The following RBFOX1 variants were observed in gnomAD, a reference collection of about 807,000 sequenced individuals.
The protein encoded by RBFOX1 is RNA binding protein fox-1 homolog 1.
A neutral mutation model predicts 57.7 loss-of-function variants in RBFOX1; 8 were observed. That is an observed-to-expected ratio of 0.14 (90% CI 0.08 to 0.25). The LOEUF (loss-of-function observed/expected upper bound fraction) is 0.25, where lower values mean the gene tolerates loss of function less well. RBFOX1 is among the 10% of genes least tolerant of loss of function. RBFOX1 has a pLI of 1.00. For synonymous variants in RBFOX1, 326 were observed against 222.4 expected (o/e 1.47, Z -4.15); for missense variants, 611 against 548.5 (o/e 1.11, Z -1.14).
intron 4 of RBFOX1, among the ~76,000 whole-genome samples, chr16:5,878,191 C>T (rs146431650): frequency 5.3e-5 from 8 of 152,220 alleles, no homozygotes; most frequent in South Asian, 2.1e-4. Flanking sequence ...GGATGAAGGG[C>T]ACTGAAGGTG....
At chr16:7,227,607 G>T (rs747302417) in intron 4 of RBFOX1, among the ~76,000 whole-genome samples, 2 of 152,148 alleles carry the variant, frequency 1.3e-5, no homozygotes, top group Admixed American at 6.5e-5. Context: ...CCAGCTGCAC[G>T]CGCAAGCATT....
chr16:6,931,528 C>G lies in RBFOX1; in HGVS notation c.-15-120529C>G, dbSNP rs967392206. On this transcript the variant is annotated intron_variant, in intron 3 of 15. Coordinates refer to ENST00000550418, the MANE Select transcript of RBFOX1 (RefSeq NM_018723.4). ...ACACTCATTTTAAGGCTGGGGACAT[C>G]TTGCCAATTTGTTCACCCAAGGGCT... Among the ~76,000 whole-genome samples the G allele has an allele frequency of 4.6e-5, 7 of 152,144 alleles. No homozygotes were observed. The South Asian group carries it at 8.3e-4, about 18-fold the overall frequency.
intron 3 of RBFOX1, among the ~76,000 whole-genome samples, chr16:6,727,466 A>C (rs1202978615): frequency 6.6e-6 from 1 of 151,724 alleles, no homozygotes; most frequent in Non-Finnish European, 1.5e-5. Flanking sequence ...CACCTACACC[A>C]GATGAAGCAC....
chr16:5,368,650 C>G (rs1402067188), intron 1 of RBFOX1, among the ~76,000 whole-genome samples: 1 of 152,124 alleles, frequency 6.6e-6, no homozygotes, highest in Non-Finnish European at 1.5e-5. Context: ...CTTTAAGAAT[C>G]AAAAGCTCAA....
chr16:5,283,961 C>G (rs906218959), intron 1 of RBFOX1, among the ~76,000 whole-genome samples: 2 of 152,036 alleles, frequency 1.3e-5, no homozygotes, highest in African/African-American at 4.8e-5. Flanking sequence ...TGTCCCCACC[C>G]AAATCTCATC....
Position 7,066,039 on chromosome 16 carries a change from A to T in RBFOX1, c.27+13941A>T, listed in dbSNP as rs1271367063. Among the ~76,000 whole-genome samples, 6 of 152,302 alleles carry T rather than the reference A, an allele frequency of 3.9e-5. No homozygotes were observed. In the East Asian group the frequency reaches 9.7e-4, roughly 25 times the overall value. On this transcript the variant is annotated intron_variant, in intron 4 of 15. Coordinates refer to ENST00000550418, the MANE Select transcript of RBFOX1 (RefSeq NM_018723.4). ...CAATTGAAATGGTTTAATTCACTCC[A>T]AGGGGGAAAAAAGTTTTGCAAACAT...
At chr16:6,670,364 C>A (rs1293699680) in intron 3 of RBFOX1, among the ~76,000 whole-genome samples, 3 of 152,080 alleles carry the variant, frequency 2.0e-5, no homozygotes, top group Non-Finnish European at 4.4e-5. Flanking sequence ...GCCACTGCTC[C>A]CAGACAAACA....
At chr16:6,679,905 T>TTC (rs1243331086) in intron 3 of RBFOX1, among the ~76,000 whole-genome samples, 2 of 123,052 alleles carry the variant, frequency 1.6e-5, no homozygotes, top group African/African-American at 6.1e-5. Context: ...TTTTTTTTTT[T>TTC]CATACTTTTC....
At chr16:7,100,320 T>C (rs537296323) in intron 4 of RBFOX1, among the ~76,000 whole-genome samples, 1 of 152,280 alleles carries the variant, frequency 6.6e-6, no homozygotes, top group South Asian at 2.1e-4. Flanking sequence ...ATAAAAGTCA[T>C]ATTTGGACAT....
chr16:5,579,988 C>G (rs1055300004), intron 2 of RBFOX1, among the ~76,000 whole-genome samples: 4 of 152,110 alleles, frequency 2.6e-5, no homozygotes, highest in African/African-American at 9.7e-5. Flanking sequence ...CTGGACTGGT[C>G]TTGAACCCCT....
intron 11 of RBFOX1, among the ~76,000 whole-genome samples, chr16:7,638,527 C>T (rs7198717): frequency 0.55 from 83,000 of 151,976 alleles, 23,027 homozygotes; most frequent in Middle Eastern, 0.64. Flanking sequence ...TGGGCCAAGG[C>T]TGTGCTGTCT....
intron 1 of RBFOX1, among the ~76,000 whole-genome samples, chr16:6,142,409 G>C (rs957026825): frequency 2.0e-5 from 3 of 151,734 alleles, no homozygotes; most frequent in Non-Finnish European, 4.4e-5. Flanking sequence ...TTTTAGTAGA[G>C]ATGGGGTTTC....
chr16:6,290,218 G>A (rs918298753), intron 1 of RBFOX1, among the ~76,000 whole-genome samples: 1 of 118,626 alleles, frequency 8.4e-6, no homozygotes, highest in African/African-American at 2.7e-5. Flanking sequence ...AGATTGTTGT[G>A]AGCATAGCAG....
At chr16:7,013,065 A>C (rs183092982) in intron 3 of RBFOX1, among the ~76,000 whole-genome samples, 1 of 152,128 alleles carries the variant, frequency 6.6e-6, no homozygotes, top group Non-Finnish European at 1.5e-5. Context: ...TAATCCCCTT[A>C]TGAGGATCTT....
chr16:6,654,508 T>G (rs1338496780), intron 2 of RBFOX1, 95 bp from the exon 3 acceptor site: 4 of 970,350 alleles, frequency 4.1e-6, no homozygotes, highest in Non-Finnish European at 5.9e-6. Flanking sequence ...TTTATTATTT[T>G]AAAGGGCATT....
intron 4 of RBFOX1, among the ~76,000 whole-genome samples, chr16:7,466,437 A>G (rs533207410): frequency 1.3e-5 from 2 of 152,206 alleles, no homozygotes; most frequent in Non-Finnish European, 2.9e-5. Flanking sequence ...TTTTAAGGAT[A>G]AGAAAAGAGG....
At chr16:6,571,251 C>A (rs1276835912) in intron 2 of RBFOX1, among the ~76,000 whole-genome samples, 1 of 152,208 alleles carries the variant, frequency 6.6e-6, no homozygotes, top group Non-Finnish European at 1.5e-5. Context: ...ATGTGAGCTG[C>A]TGCTCCCAGG....
intron 1 of RBFOX1, among the ~76,000 whole-genome samples, chr16:5,465,052 A>C (rs2068910346): frequency 6.6e-6 from 1 of 152,142 alleles, no homozygotes; most frequent in South Asian, 2.1e-4. Context: ...GGGGAGAGAA[A>C]AGCCATATCT....
intron 1 of RBFOX1, among the ~76,000 whole-genome samples, chr16:6,055,119 G>T (rs1326560901): frequency 1.3e-5 from 2 of 152,030 alleles, no homozygotes; most frequent in African/African-American, 4.8e-5. Context: ...CATCTTTTTT[G>T]GGATGCAAAA....
Sources: gnomAD v4.1 joint callset for allele counts (sites outside exome capture counted in the v4.1 genomes callset) on GRCh38, gnomAD v4.1.1 for gene constraint, MANE v1.5 for transcripts, NCBI Gene and HGNC (gene_info 2026-07-23, HGNC 2026-07-21) for gene names.